Variants in MFSD6 observed in about 807,000 individuals in gnomAD.
MFSD6 encodes major facilitator superfamily domain containing 6.
A neutral mutation model predicts 56.3 loss-of-function variants in MFSD6; 26 were observed. That is an observed-to-expected ratio of 0.46 (90% CI 0.34 to 0.64). The LOEUF (loss-of-function observed/expected upper bound fraction) is 0.64, where lower values mean the gene tolerates loss of function less well. Ranked by LOEUF, MFSD6 falls within the 30% of genes least tolerant of loss-of-function variation. MFSD6 has a pLI of 0.01. For missense variants in MFSD6, 750 were observed against 986.2 expected, an observed-to-expected ratio of 0.76 and a Z score of 3.21; for synonymous variants, 331 against 366.9, an observed-to-expected ratio of 0.90 and a Z score of 1.12.
At position 190,463,811 on chromosome 2, in the gene MFSD6, C is replaced by A; in HGVS notation, c.1533-5947C>A. ...CTCCAGCCTGGGTAACAGAGCAAGA[C>A]CCTGTCTCAAAAATAAATAAATAAA... On this transcript the variant is annotated intron_variant, in intron 3 of 7. Coordinates refer to ENST00000392328, the MANE Select transcript of MFSD6 (RefSeq NM_017694.4). This position sits in a 1 kb window ranked among gnomAD's most constrained non-coding sequence, Gnocchi z 4.4. 1 of 901,856 alleles carries A rather than the reference C, an allele frequency of 1.1e-6. No homozygotes were observed. Among genetic ancestry groups the A allele is most frequent in the Non-Finnish European group, 1.3e-6 (1 of 753,830 alleles). The allele number at this position is 901,856 out of a possible 1,614,324, so 55.9% of individuals were successfully genotyped here.
rs1036632124 is a variant in MFSD6 at position 190,487,680 on chromosome 2, A to G, written c.1631-977A>G. On this transcript the variant is annotated intron_variant, in intron 4 of 7. Transcript: ENST00000392328. The surrounding 1 kb of genome is among the most constrained non-coding windows in gnomAD (Gnocchi z 5.5). ...ACATCACTAGCTATTAGGGGAAAGC[A>G]AATCAACAACATGAGAAACTGCTTC... 3.3e-5 allele frequency among the ~76,000 whole-genome samples: 5 copies of G among 152,226 alleles called. No individual in the cohort carries two copies. The highest frequency in any genetic ancestry group is 1.2e-4 in the African/African-American group (5 of 41,448).
In MFSD6 at chr2:190,451,256, G is replaced by A. The variant is rs1686765539; in HGVS notation, c.1532+13695G>A. Among the ~76,000 whole-genome samples the A allele has an allele frequency of 6.6e-6, 1 of 152,158 alleles. No homozygotes were observed. The highest frequency in any genetic ancestry group is 1.5e-5 in the Non-Finnish European group (1 of 68,030). On this transcript the variant is annotated intron_variant, in intron 3 of 7. Coordinates refer to ENST00000392328, the MANE Select transcript of MFSD6 (RefSeq NM_017694.4). This position sits in a 1 kb window ranked among gnomAD's most constrained non-coding sequence, Gnocchi z 5.0. Reference sequence around the variant, plus strand: ...GTAATTTTAGCTTTGTTAAGCCTCAGGTTCCTCATTGGTAAAACGGGGCAA... The same window carrying A: ...GTAATTTTAGCTTTGTTAAGCCTCAAGTTCCTCATTGGTAAAACGGGGCAA...
intron 2 of MFSD6, among the ~76,000 whole-genome samples, chr2:190,432,976 C>T (rs1331756398): frequency 1.3e-5 from 2 of 152,144 alleles, no homozygotes; most frequent in African/African-American, 4.8e-5. Flanking sequence ...TTGGCTTTCC[C>T]TATAATCAAC....
At chr2:190,446,720 C>T (rs961875359) in intron 3 of MFSD6, among the ~76,000 whole-genome samples, 3 of 152,152 alleles carry the variant, frequency 2.0e-5, no homozygotes, top group East Asian at 1.9e-4. Context: ...TATGGATGTT[C>T]GTTCTGGGTC....
chr2:190,478,771 ACT>A (rs1208294174), intron 4 of MFSD6, among the ~76,000 whole-genome samples: 6 of 151,910 alleles, frequency 3.9e-5, no homozygotes, highest in East Asian at 1.9e-4. Context: ...GGGCATCTTG[ACT>A]CTGAAAAATC....
Position 190,469,802 on chromosome 2 carries a change from A to G in MFSD6, c.1577A>G (p.Tyr526Cys). The G allele has an allele frequency of 6.2e-7, 1 of 1,607,926 alleles. No homozygotes were observed. Among genetic ancestry groups the G allele is most frequent in the Non-Finnish European group, 8.5e-7 (1 of 1,177,774 alleles). Residue 526 changes from tyrosine (Y) to cysteine (C), a missense_variant, in exon 4 of 8, where the codon TAT becomes TGT. Coordinates refer to ENST00000392328, the MANE Select transcript of MFSD6 (RefSeq NM_017694.4). The surrounding 1 kb of genome is among the most constrained non-coding windows in gnomAD (Gnocchi z 5.3). ...GCCTGCAATACGGCTCGCTATATTT[A>G]TATTTCCTACCTGGAGAATGCCTGG... The part of the protein sequence containing the change: ...GLACNTARYI[Y>C]ISYLENAWTV...
chr2:190,445,636 G>A (rs1017152568), intron 3 of MFSD6, among the ~76,000 whole-genome samples: 1 of 152,074 alleles, frequency 6.6e-6, no homozygotes, highest in Non-Finnish European at 1.5e-5. Flanking sequence ...ATACATAAAA[G>A]ACAGAATAAT....
In MFSD6 at chr2:190,494,067, G is replaced by C; in HGVS notation, c.1892-3372G>C. Among the ~76,000 whole-genome samples, 1 of 152,130 alleles carries C rather than the reference G, an allele frequency of 6.6e-6. No homozygotes were observed. The highest frequency in any genetic ancestry group is 2.1e-4 in the South Asian group (1 of 4,820). Reference sequence around the variant, plus strand: ...ATACAAAAAATAAATGAAACAAAAAGCTGGTTGTTTGAAAAGATAAATAAA... The same window carrying C: ...ATACAAAAAATAAATGAAACAAAAACCTGGTTGTTTGAAAAGATAAATAAA... On this transcript the variant is annotated intron_variant, in intron 6 of 7. Transcript: ENST00000392328. The surrounding 1 kb of genome is among the most constrained non-coding windows in gnomAD (Gnocchi z 5.7).
At chr2:190,446,780 G>A (rs1015511815) in intron 3 of MFSD6, among the ~76,000 whole-genome samples, 2 of 152,148 alleles carry the variant, frequency 1.3e-5, no homozygotes, top group East Asian at 1.9e-4. Flanking sequence ...ATGAATACTC[G>A]GTTCTGGTCT....
rs1688948720 is a variant in MFSD6 at position 190,485,322 on chromosome 2, TCCTG to T, written c.1631-3333_1631-3330del. Reference sequence around the variant, plus strand: ...TTTTAATGTTTTGGTTGCTTGTAAATCCTGCAATTGATTGCTTAGACATACACAT... The same window carrying T: ...TTTTAATGTTTTGGTTGCTTGTAAATCAATTGATTGCTTAGACATACACAT... On this transcript the variant is annotated intron_variant, in intron 4 of 7. Transcript: ENST00000392328. The surrounding 1 kb of genome is among the most constrained non-coding windows in gnomAD (Gnocchi z 5.1). Among the ~76,000 whole-genome samples the T allele has an allele frequency of 6.6e-6, 1 of 152,196 alleles. No individual in the cohort carries two copies. The highest frequency in any genetic ancestry group is 1.5e-5 in the Non-Finnish European group (1 of 68,020).
Position 190,469,031 on chromosome 2 carries a change from C to T in MFSD6, c.1533-727C>T, listed in dbSNP as rs530357719. Reference sequence around the variant, plus strand: ...AACCTTATGCTTGGGTGCACCACTTCAGGCCTTTGCTTATTTTCTTTCTAC... The same window carrying T: ...AACCTTATGCTTGGGTGCACCACTTTAGGCCTTTGCTTATTTTCTTTCTAC... On this transcript the variant is annotated intron_variant, in intron 3 of 7. Coordinates refer to ENST00000392328, the MANE Select transcript of MFSD6 (RefSeq NM_017694.4). This position sits in a 1 kb window ranked among gnomAD's most constrained non-coding sequence, Gnocchi z 5.3. 1.5e-4 allele frequency among the ~76,000 whole-genome samples: 23 copies of T among 152,240 alleles called. No individual in the cohort carries two copies. Among genetic ancestry groups the T allele is most frequent in the African/African-American group, 5.3e-4 (22 of 41,534 alleles).
Position 190,417,972 on chromosome 2 carries a change from G to GTGTGTGTA in MFSD6, c.-54+2566_-54+2567insATGTGTGT. Among the ~76,000 whole-genome samples the GTGTGTGTA allele has an allele frequency of 9.8e-6, 1 of 101,530 alleles. No individual in the cohort carries two copies. The allele number at this position is 101,530 out of a possible 152,430, so 66.6% of individuals were successfully genotyped here. On this transcript the variant is annotated intron_variant, in intron 2 of 7. Coordinates refer to ENST00000392328, the MANE Select transcript of MFSD6 (RefSeq NM_017694.4). This position sits in a 1 kb window ranked among gnomAD's most constrained non-coding sequence, Gnocchi z 5.7. ...TTCATTTAACCCTTTAGTGGTGTGTGTGTGTGTGTGTGTGTGTGTGTGTGT... is the reference window on the plus strand; with the variant it reads ...TTCATTTAACCCTTTAGTGGTGTGTGTGTGTGTATGTGTGTGTGTGTGTGTGTGTGTGT...
intron 4 of MFSD6, among the ~76,000 whole-genome samples, chr2:190,486,092 C>T (rs1688992933): frequency 6.6e-6 from 1 of 152,158 alleles, no homozygotes; most frequent in Non-Finnish European, 1.5e-5. Context: ...TAGTGTGATC[C>T]TTTGGGTCTT....
In MFSD6 at chr2:190,408,493, C is replaced by T. The variant is rs1235813253; in HGVS notation, c.-186C>T. On this transcript the variant is annotated 5_prime_UTR_variant, in exon 1 of 8. Transcript: ENST00000392328. ...GCCCCGCGCAGCTGAGCGCTGCCGC[C>T]GCCGCAGCAGGTGAGTCGGGCCCGG... 6.6e-6 allele frequency: 1 copy of T among 152,126 alleles called. No homozygotes were observed. The highest frequency in any genetic ancestry group is 1.5e-5 in the Non-Finnish European group (1 of 67,894). The allele number at this position is 152,126 out of a possible 1,614,324, so 9.4% of individuals were successfully genotyped here. A position where few individuals can be genotyped will look rare whatever the true frequency, so the allele number is the denominator to read the frequency against.
rs963233219 is a variant in MFSD6 at position 190,499,718 on chromosome 2, A to C, written c.2173-297A>C. ...ACATGGCTTGGGGGGCTCAGTAAATATTTGCTGATGTAAACTGTTTACCAA... is the reference window on the plus strand; with the variant it reads ...ACATGGCTTGGGGGGCTCAGTAAATCTTTGCTGATGTAAACTGTTTACCAA... On this transcript the variant is annotated intron_variant, in intron 7 of 7. Coordinates refer to ENST00000392328, the MANE Select transcript of MFSD6 (RefSeq NM_017694.4). This position sits in a 1 kb window ranked among gnomAD's most constrained non-coding sequence, Gnocchi z 6.0. The C allele has an allele frequency of 3.5e-6, 4 of 1,152,730 alleles. No homozygotes were observed. Among genetic ancestry groups the C allele is most frequent in the Middle Eastern group, 2.2e-4 (1 of 4,524 alleles). 71.4% of individuals were successfully genotyped at this position (1,152,730 alleles called of 1,614,324 possible).
rs1485600043 is a variant in MFSD6, at chr2:190,462,727, A to G, written c.1533-7031A>G. Reference sequence around the variant, plus strand: ...AGGGATGATTCCTTTCAACAGTGGGACTCTCAAAATCAGAGGTACCAGTGC... The same window carrying G: ...AGGGATGATTCCTTTCAACAGTGGGGCTCTCAAAATCAGAGGTACCAGTGC... On this transcript the variant is annotated intron_variant, in intron 3 of 7. Transcript: ENST00000392328. The surrounding 1 kb of genome is among the most constrained non-coding windows in gnomAD (Gnocchi z 5.7). Among the ~76,000 whole-genome samples the G allele has an allele frequency of 6.6e-6, 1 of 152,024 alleles. No homozygotes were observed. The highest frequency in any genetic ancestry group is 2.1e-4 in the South Asian group (1 of 4,812).
Position 190,491,659 on chromosome 2 carries a change from C to T in MFSD6, c.1891+1793C>T, listed in dbSNP as rs1689362884. 6.6e-6 allele frequency among the ~76,000 whole-genome samples: 1 copy of T among 152,186 alleles called. No individual in the cohort carries two copies. The highest frequency in any genetic ancestry group is 1.5e-5 in the Non-Finnish European group (1 of 68,034). ...CCTGTGGGACAAAAGAATTGAACAG[C>T]AGCCTTGAGTGCCAGCCCTTCCCTC... On this transcript the variant is annotated intron_variant, in intron 6 of 7. Coordinates refer to ENST00000392328, the MANE Select transcript of MFSD6 (RefSeq NM_017694.4). This position sits in a 1 kb window ranked among gnomAD's most constrained non-coding sequence, Gnocchi z 4.2.
At chr2:190,472,363 T>C (rs1687997356) in intron 4 of MFSD6, among the ~76,000 whole-genome samples, 2 of 152,136 alleles carry the variant, frequency 1.3e-5, no homozygotes. Context: ...AATGGCTAAC[T>C]ACAATAACCA....
Position 190,464,592 on chromosome 2 carries a change from C to T in MFSD6, c.1533-5166C>T, listed in dbSNP as rs562903588. On this transcript the variant is annotated intron_variant, in intron 3 of 7. Coordinates refer to ENST00000392328, the MANE Select transcript of MFSD6 (RefSeq NM_017694.4). ...AGATTCTATGGTGAACCCTTGTTCG[C>T]TTTGTTTCCTCTGCCTGTGATGCTC... 1.0e-3 allele frequency among the ~76,000 whole-genome samples: 154 copies of T among 152,276 alleles called. 2 individuals are homozygous for T. The highest frequency in any genetic ancestry group is 3.6e-3 in the African/African-American group (148 of 41,552).
Sources: allele counts gnomAD v4.1 joint callset (sites outside exome capture counted in the v4.1 genomes callset), GRCh38; gene constraint gnomAD v4.1.1; non-coding constraint Gnocchi (gnomAD v3.1); transcripts MANE v1.5; gene names NCBI Gene and HGNC (gene_info 2026-07-23, HGNC 2026-07-21).